Variants in CHCHD3 observed in about 807,000 individuals in gnomAD.
The protein encoded by CHCHD3 is coiled-coil-helix-coiled-coil-helix domain containing 3.
A neutral mutation model predicts 38.2 loss-of-function variants in CHCHD3; 20 were observed. The observed-to-expected ratio is 0.52, with a 90% confidence interval of 0.37 to 0.76. The LOEUF is 0.76. Among genes scored for constraint, CHCHD3 ranks in the 30% least tolerant of loss-of-function variants. The pLI, the probability that CHCHD3 is intolerant of heterozygous loss-of-function variation, is 0.00. For synonymous variants in CHCHD3, 82 were observed against 100.0 expected, an observed-to-expected ratio of 0.82 and a Z score of 1.07; for missense variants, 245 against 279.2, an observed-to-expected ratio of 0.88 and a Z score of 0.87.
At chr7:133,054,695 C>T (rs1240720520) in intron 2 of CHCHD3, among the ~76,000 whole-genome samples, 2 of 152,270 alleles carry the variant, frequency 1.3e-5, no homozygotes, top group Non-Finnish European at 2.9e-5. Context: ...CCACCACCAC[C>T]CCAGCCCTAG....
At chr7:132,813,233 A>G (rs1807116914) in intron 6 of CHCHD3, among the ~76,000 whole-genome samples, 1 of 152,222 alleles carries the variant, frequency 6.6e-6, no homozygotes. Context: ...AACAAGGCAG[A>G]CCTGTGAAGA....
chr7:132,868,875 C>G (rs1418295348), intron 5 of CHCHD3, among the ~76,000 whole-genome samples: 1 of 152,132 alleles, frequency 6.6e-6, no homozygotes, highest in Admixed American at 6.5e-5. Context: ...GCTCCTTGCT[C>G]TTGCCCACCA....
chr7:133,074,001 C>T (rs1196758528), intron 1 of CHCHD3, among the ~76,000 whole-genome samples: 7 of 152,322 alleles, frequency 4.6e-5, no homozygotes, highest in Middle Eastern at 3.4e-3. Flanking sequence ...CAAGCCTTCA[C>T]TGACCAAAAC....
At chr7:132,986,212 C>T (rs971990603) in intron 3 of CHCHD3, among the ~76,000 whole-genome samples, 5 of 148,660 alleles carry the variant, frequency 3.4e-5, no homozygotes, top group Non-Finnish European at 7.4e-5. Flanking sequence ...GCAGCATGCT[C>T]GTTAAGAGTC....
At chr7:132,908,504 C>G (rs945634193) in intron 4 of CHCHD3, among the ~76,000 whole-genome samples, 1 of 152,120 alleles carries the variant, frequency 6.6e-6, no homozygotes, top group Middle Eastern at 3.2e-3. Flanking sequence ...GCACTTTCTT[C>G]TTATAAGTAT....
At chr7:133,077,122 A>C (rs1484705422) in intron 1 of CHCHD3, among the ~76,000 whole-genome samples, 1 of 152,184 alleles carries the variant, frequency 6.6e-6, no homozygotes, top group African/African-American at 2.4e-5. Flanking sequence ...GAAATATGTA[A>C]TGCTTAGCTT....
chr7:133,012,488 G>T (rs142811592), intron 3 of CHCHD3, among the ~76,000 whole-genome samples: 2 of 152,140 alleles, frequency 1.3e-5, no homozygotes, highest in Non-Finnish European at 2.9e-5. Flanking sequence ...TTCAGGCCAG[G>T]CACAGTGGCT....
At chr7:132,842,544 A>C (rs1176122029) in intron 5 of CHCHD3, among the ~76,000 whole-genome samples, 1 of 152,148 alleles carries the variant, frequency 6.6e-6, no homozygotes, top group African/African-American at 2.4e-5. Context: ...TTCAGGACTT[A>C]ATCTTGGATC....
intron 5 of CHCHD3, among the ~76,000 whole-genome samples, chr7:132,884,420 C>T (rs536662288): frequency 1.3e-5 from 2 of 152,166 alleles, no homozygotes; most frequent in African/African-American, 4.8e-5. Context: ...AGATGTTTAC[C>T]TCATTTTCTT....
At chr7:132,818,615 GA>G (rs1446074564) in intron 6 of CHCHD3, among the ~76,000 whole-genome samples, 1 of 152,156 alleles carries the variant, frequency 6.6e-6, no homozygotes, top group East Asian at 1.9e-4. Context: ...CTGACTTGAA[GA>G]TGCTGTGTTT....
chr7:132,843,667 T>C (rs1807998335), intron 5 of CHCHD3, among the ~76,000 whole-genome samples: 1 of 152,296 alleles, frequency 6.6e-6, no homozygotes, highest in East Asian at 1.9e-4. Flanking sequence ...GCACAACTAT[T>C]TTCAGAAAGG....
intron 3 of CHCHD3, among the ~76,000 whole-genome samples, chr7:133,001,825 A>T (rs1812583083): frequency 6.6e-6 from 1 of 152,238 alleles, no homozygotes; most frequent in South Asian, 2.1e-4. Context: ...ATGAATACAC[A>T]GATGGATGCG....
intron 6 of CHCHD3, among the ~76,000 whole-genome samples, chr7:132,811,174 T>C (rs1807060828): frequency 6.6e-6 from 1 of 152,204 alleles, no homozygotes; most frequent in African/African-American, 2.4e-5. Context: ...GAAGAGTGTC[T>C]CTCTCATCCA....
chr7:132,866,755 T>C (rs1808635760), intron 5 of CHCHD3, among the ~76,000 whole-genome samples: 1 of 152,230 alleles, frequency 6.6e-6, no homozygotes, highest in African/African-American at 2.4e-5. Context: ...AAATAAGCAC[T>C]GTCTGCCAGA....
chr7:132,906,771 G>A (rs1377493735), intron 4 of CHCHD3, among the ~76,000 whole-genome samples: 2 of 152,180 alleles, frequency 1.3e-5, no homozygotes, highest in Non-Finnish European at 2.9e-5. Flanking sequence ...TTGTCCTCCT[G>A]TAGCTTTCTG....
At chr7:133,057,433 T>C (rs1368640702) in intron 2 of CHCHD3, among the ~76,000 whole-genome samples, 1 of 152,046 alleles carries the variant, frequency 6.6e-6, no homozygotes, top group Non-Finnish European at 1.5e-5. Flanking sequence ...TGGGGGCACC[T>C]GCCTGTAGTC....
rs1043723298 is a variant in CHCHD3 at position 132,864,973 on chromosome 7, T to C, written c.453+20689A>G. Reference sequence around the variant, plus strand: ...TCATTGCAAAGATGAGCTCCAACCATAGACCCCATTCATTAAAACTTCATA... The same window carrying C: ...TCATTGCAAAGATGAGCTCCAACCACAGACCCCATTCATTAAAACTTCATA... On this transcript the variant is annotated intron_variant, in intron 5 of 7. Coordinates refer to ENST00000262570, the MANE Select transcript of CHCHD3 (RefSeq NM_017812.4). 5.9e-5 allele frequency among the ~76,000 whole-genome samples: 9 copies of C among 152,320 alleles called. No homozygotes were observed. The East Asian group carries it at 1.5e-3, about 26-fold the overall frequency.
At chr7:133,019,148 G>A (rs1813111435) in intron 3 of CHCHD3, among the ~76,000 whole-genome samples, 1 of 151,982 alleles carries the variant, frequency 6.6e-6, no homozygotes, top group African/African-American at 2.4e-5. Flanking sequence ...CTCCCAAAGT[G>A]CTGGGATTGC....
chr7:132,788,315 GA>G lies in CHCHD3; in HGVS notation c.661-2656del, dbSNP rs1806376629. Among the ~76,000 whole-genome samples, 1 of 152,190 alleles carries G rather than the reference GA, an allele frequency of 6.6e-6. No homozygotes were observed. Among genetic ancestry groups the G allele is most frequent in the South Asian group, 2.1e-4 (1 of 4,826 alleles). ...GCCATTTGCATTTGGGGGGGTTATAGATTCACTGCTTTCTTCAACACACTGA... is the reference window on the plus strand; with the variant it reads ...GCCATTTGCATTTGGGGGGGTTATAGTTCACTGCTTTCTTCAACACACTGA... On this transcript the variant is annotated intron_variant, in intron 7 of 7. Transcript: ENST00000262570. The surrounding 1 kb of genome is among the most constrained non-coding windows in gnomAD (Gnocchi z 4.0).
Sources: gnomAD v4.1 joint callset for allele counts (sites outside exome capture counted in the v4.1 genomes callset) on GRCh38, gnomAD v4.1.1 for gene constraint, Gnocchi (gnomAD v3.1) non-coding constraint, MANE v1.5 for transcripts, NCBI Gene and HGNC (gene_info 2026-07-23, HGNC 2026-07-21) for gene names.